Variants in MYH9 observed in about 807,000 individuals in gnomAD.
MYH9 encodes myosin-9.
In MYH9, 29 loss-of-function variants were observed where a neutral mutation model predicts 241.9. The observed-to-expected ratio is 0.12, with a 90% CI of 0.09 to 0.16. MYH9 has a LOEUF of 0.16. Ranked by LOEUF, MYH9 falls within the 10% of genes least tolerant of loss-of-function variation. MYH9 has a pLI of 1.00. For missense variants in MYH9, 1,803 were observed against 2,595.5 expected, an observed-to-expected ratio of 0.69 and a Z score of 6.63; for synonymous variants, 1,047 against 1,062.6, an observed-to-expected ratio of 0.99 and a Z score of 0.29.
intron 2 of MYH9, among the ~76,000 whole-genome samples, chr22:36,346,141 G>A (rs545341287): frequency 1.9e-4 from 25 of 130,726 alleles, no homozygotes; most frequent in African/African-American, 7.7e-4. Context: ...GACAAAGTGA[G>A]ACTCCGTCTC....
chr22:36,361,988 G>A (rs1356891569), intron 1 of MYH9, among the ~76,000 whole-genome samples: 2 of 152,162 alleles, frequency 1.3e-5, no homozygotes, highest in Admixed American at 6.5e-5. Context: ...AGAATTGCTT[G>A]AACCCAGGAG....
At chr22:36,311,024 G>A (rs762054165) in intron 14 of MYH9, among the ~76,000 whole-genome samples, 1 of 152,130 alleles carries the variant, frequency 6.6e-6, no homozygotes, top group Non-Finnish European at 1.5e-5. Context: ...TGCTAGAACC[G>A]GGCCTGGACT....
chr22:36,303,940 C>A lies in MYH9; in HGVS notation c.2390+55G>T, dbSNP rs963986266. On this transcript the variant is annotated intron_variant, in intron 19 of 40. Coordinates refer to ENST00000216181, the MANE Select transcript of MYH9 (RefSeq NM_002473.6). ...TGGCCTGCTAAGTGCCCTTTGGCAA[C>A]AGAAGGGCGTGGCAAGGCCTGGCAT... 3.1e-6 allele frequency: 5 copies of A among 1,604,794 alleles called. No individual in the cohort carries two copies. In the Admixed American group the frequency reaches 8.4e-5, roughly 27 times the overall value.
At chr22:36,364,225 C>CGAAT (rs1349446154) in intron 1 of MYH9, among the ~76,000 whole-genome samples, 1 of 152,122 alleles carries the variant, frequency 6.6e-6, no homozygotes. Flanking sequence ...ACAAAAAAAG[C>CGAAT]GAATGAATGA....
At chr22:36,377,474 A>G (rs939836356) in intron 1 of MYH9, among the ~76,000 whole-genome samples, 2 of 152,172 alleles carry the variant, frequency 1.3e-5, no homozygotes, top group Non-Finnish European at 2.9e-5. Flanking sequence ...ATTGAACTGT[A>G]TGGGAAAAGG....
At position 36,320,188 on chromosome 22, in the gene MYH9, C is replaced by T; in HGVS notation, c.1012+32G>A. 2 of 1,613,888 alleles carry T rather than the reference C, an allele frequency of 1.2e-6. No individual in the cohort carries two copies. The highest frequency in any genetic ancestry group is 1.1e-5 in the South Asian group (1 of 91,076). On this transcript the variant is annotated intron_variant, in intron 9 of 40. Transcript: ENST00000216181. This position sits in a 1 kb window ranked among gnomAD's most constrained non-coding sequence, Gnocchi z 4.8. ...CGTGGGTACCAGCCTTCCTCTGCCC[C>T]ACACTCGACCATAGGAGGGCCAGCC...
intron 12 of MYH9, 126 bp downstream of exon 12, chr22:36,316,391 C>T: frequency 7.1e-7 from 1 of 1,405,734 alleles, no homozygotes; most frequent in South Asian, 1.2e-5. Flanking sequence ...CAACCAAAGT[C>T]TTCATGCAAA....
Position 36,282,475 on chromosome 22 carries a change from G to A in MYH9, c.*193C>T, listed in dbSNP as rs181364853. ...TCTGAGCAGGGGAGGGAGCTGGAAG[G>A]GGATGCAGCAGAGGAAGCCAAATGC... On this transcript the variant is annotated 3_prime_UTR_variant, in exon 41 of 41. Coordinates refer to ENST00000216181, the MANE Select transcript of MYH9 (RefSeq NM_002473.6). The A allele has an allele frequency of 2.7e-4, 195 of 721,476 alleles. No individual in the cohort carries two copies. In the East Asian group the frequency reaches 3.4e-3, roughly 13 times the overall value. 44.7% of individuals were successfully genotyped at this position (721,476 alleles called of 1,614,324 possible).
intron 1 of MYH9, among the ~76,000 whole-genome samples, chr22:36,355,861 A>G (rs555561255): frequency 2.4e-3 from 371 of 152,316 alleles, no homozygotes; most frequent in Non-Finnish European, 4.4e-3. Context: ...TTATTAATTA[A>G]GCAGACATTG....
chr22:36,381,235 C>T (rs1334527152), intron 1 of MYH9, among the ~76,000 whole-genome samples: 1 of 152,082 alleles, frequency 6.6e-6, no homozygotes, highest in African/African-American at 2.4e-5. Context: ...GACAATATGG[C>T]CGGGCACACT....
At chr22:36,322,405 C>G (rs1190003532) in intron 6 of MYH9, 24 bp downstream of exon 6, 1 of 1,612,250 alleles carries the variant, frequency 6.2e-7, no homozygotes, top group Non-Finnish European at 8.5e-7. Flanking sequence ...GTCCCCAGAG[C>G]CGGGGCGCCG....
intron 1 of MYH9, among the ~76,000 whole-genome samples, chr22:36,353,129 GTGTA>G (rs1259115100): frequency 3.4e-5 from 5 of 145,418 alleles, no homozygotes; most frequent in African/African-American, 2.5e-5. Context: ...GTGTGTGTGT[GTGTA>G]TAAGTGTGTT....
Position 36,319,635 on chromosome 22 carries a change from C to T in MYH9, c.1013G>A (p.Gly338Asp). ...AACCCCTGAGATGACCCGCAGCAGG[C>T]CTTTGGGTGCAATCAGAGGCAGCTC... is the stretch of plus-strand genomic sequence containing the variant. ...IMGIPEEEQMGLLRVISGVLQ... is the reference protein window; with the variant it reads ...IMGIPEEEQMDLLRVISGVLQ... The change falls in exon 10 of 41, where the codon GGC becomes GAC. Residue 338 changes from glycine (G) to aspartate (D), a missense_variant and splice_region_variant. Physicochemically the swap from Gly to Asp is moderately conservative, Grantham distance 94. Around this residue, in one of 11 missense-constraint regions of MYH9, gnomAD observed 222 missense variants for 359.9 expected, o/e 0.62. Coordinates refer to ENST00000216181, the MANE Select transcript of MYH9 (RefSeq NM_002473.6). The T allele has an allele frequency of 6.2e-7, 1 of 1,614,030 alleles. No individual in the cohort carries two copies. The highest frequency in any genetic ancestry group is 8.5e-7 in the Non-Finnish European group (1 of 1,179,986).
intron 2 of MYH9, among the ~76,000 whole-genome samples, chr22:36,341,833 A>G (rs1476752843): frequency 6.6e-6 from 1 of 152,230 alleles, no homozygotes; most frequent in Non-Finnish European, 1.5e-5. Context: ...AGACAACAGC[A>G]AAGTCCAGTT....
At chr22:36,314,440 G>T in intron 12 of MYH9, 122 bp from the exon 13 acceptor site, 1 of 1,212,964 alleles carries the variant, frequency 8.2e-7, no homozygotes. Context: ...CCTCCATGCC[G>T]CTGCCTTTAG....
chr22:36,362,180 GAAGAA>G (rs2017945481), intron 1 of MYH9, among the ~76,000 whole-genome samples: 1 of 152,206 alleles, frequency 6.6e-6, no homozygotes, highest in Non-Finnish European at 1.5e-5. Flanking sequence ...CAATCTAAGA[GAAGAA>G]AAGACAGTTC....
intron 10 of MYH9, 116 bp downstream of exon 10, chr22:36,319,424 C>T: frequency 1.0e-6 from 1 of 962,568 alleles, no homozygotes; most frequent in Non-Finnish European, 1.6e-6. Context: ...AAAATACCGA[C>T]AGATACTAAC....
intron 24 of MYH9, among the ~76,000 whole-genome samples, chr22:36,298,477 C>T (rs2016823011): frequency 6.6e-6 from 1 of 152,150 alleles, no homozygotes; most frequent in African/African-American, 2.4e-5. Context: ...TCACAGACAC[C>T]CTAGCACTGT....
At chr22:36,308,904 A>T (rs1240305575) in intron 15 of MYH9, 2 of 966,952 alleles carry the variant, frequency 2.1e-6, no homozygotes, top group Non-Finnish European at 2.5e-6. Context: ...AACCCAGGCA[A>T]AGGAAAAGGA....
Sources: gnomAD v4.1 joint callset for allele counts (sites outside exome capture counted in the v4.1 genomes callset) on GRCh38, gnomAD v4.1.1 for gene constraint, gnomAD v4.1.1 regional missense constraint, Gnocchi (gnomAD v3.1) non-coding constraint, MANE v1.5 for transcripts, NCBI Gene and HGNC (gene_info 2026-07-23, HGNC 2026-07-21) for gene names.